MPRIP: variants seen among roughly 807,000 people sequenced by gnomAD.
MPRIP encodes myosin phosphatase Rho-interacting protein.
MPRIP carries 59 observed loss-of-function variants against 234.9 expected under a neutral mutation model. That is an observed-to-expected ratio of 0.25 (90% CI 0.20 to 0.31). MPRIP has a LOEUF of 0.31. Among genes scored for constraint, MPRIP ranks in the 10% least tolerant of loss-of-function variants. MPRIP has a pLI of 1.00. For missense variants in MPRIP, 2,436 were observed against 3,071.0 expected, an observed-to-expected ratio of 0.79 and a Z score of 4.89; for synonymous variants, 1,144 against 1,263.9, an observed-to-expected ratio of 0.91 and a Z score of 2.01.
chr17:17,043,056 A>G, intron 1 of MPRIP, 85 bp downstream of exon 1: 1 of 1,342,424 alleles, frequency 7.4e-7, no homozygotes, highest in South Asian at 1.2e-5. Flanking sequence ...TGCAGGGAAA[A>G]TAAAAATGGA....
intron 1 of MPRIP, among the ~76,000 whole-genome samples, chr17:17,045,995 C>T (rs911968990): frequency 1.1e-4 from 16 of 152,008 alleles, no homozygotes; most frequent in African/African-American, 3.9e-4. Context: ...TTAGTAGAGA[C>T]GAGGTTTCAC....
chr17:17,045,197 C>T (rs1162771282), intron 1 of MPRIP, among the ~76,000 whole-genome samples: 1 of 152,228 alleles, frequency 6.6e-6, no homozygotes, highest in African/African-American at 2.4e-5. Flanking sequence ...GCCACTCCCT[C>T]CTTAAGAGGA....
At chr17:17,068,770 C>T (rs1457935843) in intron 1 of MPRIP, among the ~76,000 whole-genome samples, 1 of 152,134 alleles carries the variant, frequency 6.6e-6, no homozygotes, top group African/African-American at 2.4e-5. Flanking sequence ...ACCTTGTGAT[C>T]TGCTTGCCTC....
chr17:17,114,823 G>A (rs577065077), intron 3 of MPRIP, among the ~76,000 whole-genome samples: 10 of 152,206 alleles, frequency 6.6e-5, no homozygotes, highest in Admixed American at 2.0e-4. Flanking sequence ...CTGGTATCTC[G>A]CTGCCCAGGC....
intron 3 of MPRIP, among the ~76,000 whole-genome samples, chr17:17,091,525 C>T (rs1358121968): frequency 1.3e-5 from 2 of 152,148 alleles, no homozygotes; most frequent in African/African-American, 4.8e-5. Context: ...TGCTCTCGTG[C>T]GTATTAGGTG....
At position 17,165,523 on chromosome 17, in the gene MPRIP, A is replaced by G; in HGVS notation, c.3932A>G (p.Asp1311Gly). ...EGHQQGTAKL[D>G]QGAPGVKRQR... Reference sequence around the variant, plus strand: ...CATCAGCAGGGCACAGCCAAACTCGACCAAGGGGCACCTGGTGTTAAAAGG... The same window carrying G: ...CATCAGCAGGGCACAGCCAAACTCGGCCAAGGGGCACCTGGTGTTAAAAGG... The change falls in exon 16 of 24, where the codon GAC (aspartate) becomes GGC (glycine). Residue 1311 changes from aspartate (D) to glycine (G), a missense_variant. This residue lies in a region of MPRIP where 1,998 missense variants were observed against 2,520.3 expected (regional missense o/e 0.79). Transcript: ENST00000651222. 1 of 1,304,424 alleles carries G rather than the reference A, an allele frequency of 7.7e-7. No homozygotes were observed. Among genetic ancestry groups the G allele is most frequent in the Non-Finnish European group, 1.0e-6 (1 of 988,994 alleles). The allele number at this position is 1,304,424 out of a possible 1,614,324, so 80.8% of individuals were successfully genotyped here. A position where few individuals can be genotyped will look rare whatever the true frequency, so the allele number is the denominator to read the frequency against.
At chr17:17,132,170 G>A (rs1317734384) in intron 5 of MPRIP, among the ~76,000 whole-genome samples, 3 of 152,174 alleles carry the variant, frequency 2.0e-5, no homozygotes, top group East Asian at 1.9e-4. Context: ...GCAGGGCGTG[G>A]CTGACTGGGG....
At chr17:17,053,481 G>A (rs542831489) in intron 1 of MPRIP, among the ~76,000 whole-genome samples, 39 of 152,294 alleles carry the variant, frequency 2.6e-4, no homozygotes, top group African/African-American at 8.4e-4. Flanking sequence ...CGTTTTATCA[G>A]CAATAAACCA....
chr17:17,158,212 C>T (rs1195024635), intron 13 of MPRIP, among the ~76,000 whole-genome samples: 1 of 152,158 alleles, frequency 6.6e-6, no homozygotes, highest in Non-Finnish European at 1.5e-5. Flanking sequence ...TTCCCCTCCC[C>T]GTCCCCCTCC....
chr17:17,043,628 C>A (rs1208862342), intron 1 of MPRIP, among the ~76,000 whole-genome samples: 4 of 152,184 alleles, frequency 2.6e-5, no homozygotes, highest in Admixed American at 2.0e-4. Context: ...CTAGTTATGA[C>A]TCCCAAACGT....
chr17:17,067,384 A>C (rs1286490097), intron 1 of MPRIP, among the ~76,000 whole-genome samples: 1 of 152,204 alleles, frequency 6.6e-6, no homozygotes, highest in Non-Finnish European at 1.5e-5. Context: ...ACCACAGTCC[A>C]TCTGATAACT....
At chr17:17,076,636 C>T (rs1241999383) in intron 2 of MPRIP, among the ~76,000 whole-genome samples, 1 of 152,152 alleles carries the variant, frequency 6.6e-6, no homozygotes, top group Non-Finnish European at 1.5e-5. Context: ...CAGGTGGCCT[C>T]CTCTACACAC....
At chr17:17,079,391 T>C (rs1204896581) in intron 3 of MPRIP, among the ~76,000 whole-genome samples, 1 of 152,218 alleles carries the variant, frequency 6.6e-6, no homozygotes, top group Non-Finnish European at 1.5e-5. Flanking sequence ...GATTGTGGAC[T>C]TGGCTGGAAG....
chr17:17,142,360 A>G, intron 7 of MPRIP: 1 of 375,590 alleles, frequency 2.7e-6, no homozygotes, highest in Non-Finnish European at 4.9e-6. Flanking sequence ...AGCTGTGTGA[A>G]TGCCGAGTGG....
rs539778223 is a variant in MPRIP at position 17,082,621 on chromosome 17, G to A, written c.267+4545G>A. ...GTTCGAATGTTTTTAACTGTGGTAAGTACACTGGAAATTCACCATCTTAAT... is the reference window on the plus strand; with the variant it reads ...GTTCGAATGTTTTTAACTGTGGTAAATACACTGGAAATTCACCATCTTAAT... On this transcript the variant is annotated intron_variant, in intron 3 of 23. Transcript: ENST00000651222. Among the ~76,000 whole-genome samples the A allele has an allele frequency of 2.0e-5, 3 of 152,272 alleles. No individual in the cohort carries two copies. The South Asian group carries it at 6.2e-4, about 32-fold the overall frequency.
chr17:17,138,260 T>C lies in MPRIP; in HGVS notation c.1081T>C (p.Phe361Leu). 2.0e-6 allele frequency: 1 copy of C among 502,392 alleles called. No individual in the cohort carries two copies. The highest frequency in any genetic ancestry group is 3.4e-5 in the South Asian group (1 of 29,464). The allele number at this position is 502,392 out of a possible 1,614,324, so 31.1% of individuals were successfully genotyped here. A position where few individuals can be genotyped will look rare whatever the true frequency, so the allele number is the denominator to read the frequency against. Reference sequence around the variant, plus strand: ...GGGGACAGAGAGACTGGGGAGCGCCTTTGCCTTTAAAGCCAGCAGGCAATA... The same window carrying C: ...GGGGACAGAGAGACTGGGGAGCGCCCTTGCCTTTAAAGCCAGCAGGCAATA... ...GRGTERLGSA[F>L]AFKASRQYAT... Residue 361 changes from phenylalanine (F) to leucine (L), a missense_variant, in exon 7 of 24, where the codon TTT becomes CTT. Physicochemically the swap from Phe to Leu is conservative, Grantham distance 22 (BLOSUM62 0). This residue lies in a region of MPRIP where 267 missense variants were observed against 252.7 expected (regional missense o/e 1.06). Coordinates refer to ENST00000651222, the MANE Select transcript of MPRIP (RefSeq NM_001364716.4). This position sits in a 1 kb window ranked among gnomAD's most constrained non-coding sequence, Gnocchi z 5.8.
At chr17:17,149,121 T>C (rs1295932793) in intron 11 of MPRIP, among the ~76,000 whole-genome samples, 1 of 152,222 alleles carries the variant, frequency 6.6e-6, no homozygotes, top group Non-Finnish European at 1.5e-5. Context: ...TGATTTCAGA[T>C]ACCACATTGC....
intron 19 of MPRIP, 69 bp downstream of exon 19, chr17:17,174,144 G>C: frequency 6.4e-7 from 1 of 1,556,798 alleles, no homozygotes; most frequent in Non-Finnish European, 8.7e-7. Flanking sequence ...CCATAGTCAG[G>C]TGAGTCCACA....
chr17:17,164,936 G>A lies in MPRIP; in HGVS notation c.3345G>A (p.Gln1115=), dbSNP rs1187455223. 13 of 1,303,882 alleles carry A rather than the reference G, an allele frequency of 1.0e-5. No individual in the cohort carries two copies. Among genetic ancestry groups the A allele is most frequent in the Non-Finnish European group, 1.2e-5 (12 of 988,832 alleles). 80.8% of individuals were successfully genotyped at this position (1,303,882 alleles called of 1,614,324 possible). The change falls in exon 16 of 24, where the codon CAG becomes CAA. Residue 1115 remains glutamine (Q), a synonymous_variant. Coordinates refer to ENST00000651222, the MANE Select transcript of MPRIP (RefSeq NM_001364716.4). ...GGGACCTCCTCAGACAGCGGTTCCA[G>A]GAGCTGACAGAGCGCGTGGCCACGT... ...DERDLLRQRF[Q]ELTERVATSD... is the part of the protein sequence containing the mutation.
Sources: allele counts gnomAD v4.1 joint callset (sites outside exome capture counted in the v4.1 genomes callset), GRCh38; gene constraint gnomAD v4.1.1; regional missense constraint gnomAD v4.1.1; non-coding constraint Gnocchi (gnomAD v3.1); transcripts MANE v1.5; gene names NCBI Gene and HGNC (gene_info 2026-07-23, HGNC 2026-07-21).